The following IGF1 variants were observed in gnomAD, a reference collection of about 807,000 sequenced individuals.
The protein encoded by IGF1 is insulin like growth factor 1, also known as insulin-like growth factor 1.
Under a neutral mutation model 13.8 loss-of-function variants are expected in IGF1, and 4 were observed. The observed-to-expected ratio is 0.29, with a 90% CI of 0.14 to 0.66. IGF1 has a LOEUF of 0.66. Among genes scored for constraint, IGF1 ranks in the 30% least tolerant of loss-of-function variants. IGF1 has a pLI of 0.78. For missense variants in IGF1, 124 were observed against 188.5 expected, an observed-to-expected ratio of 0.66 and a Z score of 2.00; for synonymous variants, 76 against 72.6, an observed-to-expected ratio of 1.05 and a Z score of -0.23.
chr12:102,466,939 T>A (rs1880378510), intron 2 of IGF1, among the ~76,000 whole-genome samples: 1 of 151,916 alleles, frequency 6.6e-6, no homozygotes, highest in African/African-American at 2.4e-5. Context: ...AAAACCCACA[T>A]CACTTGGTCT....
intron 2 of IGF1, among the ~76,000 whole-genome samples, chr12:102,428,296 G>A (rs1225896498): frequency 8.0e-6 from 1 of 125,712 alleles, no homozygotes; most frequent in Non-Finnish European, 1.7e-5. Context: ...TAGTAGTGAA[G>A]AGAAGTTTGA....
chr12:102,402,714 T>C (rs1873791033), intron 3 of IGF1, 148 bp from the exon 4 acceptor site: 3 of 693,766 alleles, frequency 4.3e-6, no homozygotes, highest in Non-Finnish European at 7.9e-6. Context: ...GAGAAGGGCA[T>C]GTATAGGTGG....
At chr12:102,435,258 CA>C (rs1308644614) in intron 2 of IGF1, among the ~76,000 whole-genome samples, 1 of 152,212 alleles carries the variant, frequency 6.6e-6, no homozygotes, top group East Asian at 1.9e-4. Context: ...AAAAGAGGCA[CA>C]TACTCACCTC....
At position 102,400,661 on chromosome 12, in the gene IGF1, T is replaced by C. The variant is rs1257659786; in HGVS notation, c.*1846A>G. 1 of 152,214 alleles carries C rather than the reference T, an allele frequency of 6.6e-6. No homozygotes were observed. The highest frequency in any genetic ancestry group is 6.5e-5 in the Admixed American group (1 of 15,278). 9.4% of individuals were successfully genotyped at this position (152,214 alleles called of 1,614,324 possible). On this transcript the variant is annotated 3_prime_UTR_variant, in exon 4 of 4. Transcript: ENST00000337514. Reference sequence around the variant, plus strand: ...TTTAATATTTCAAATTTTGGATCACTTTCCTTATATTGCCTAGAAAAGAAG... The same window carrying C: ...TTTAATATTTCAAATTTTGGATCACCTTCCTTATATTGCCTAGAAAAGAAG...
chr12:102,474,474 C>T (rs931627322), intron 2 of IGF1, among the ~76,000 whole-genome samples: 5 of 152,190 alleles, frequency 3.3e-5, no homozygotes, highest in Non-Finnish European at 7.3e-5. Context: ...CTTCCCATCT[C>T]CCTTACTGAT....
At chr12:102,467,238 C>A (rs1313286278) in intron 2 of IGF1, among the ~76,000 whole-genome samples, 1 of 152,098 alleles carries the variant, frequency 6.6e-6, no homozygotes, top group Non-Finnish European at 1.5e-5. Context: ...AAAAGGGTCC[C>A]TCAAAGAGCC....
intron 2 of IGF1, among the ~76,000 whole-genome samples, chr12:102,465,068 C>T (rs1228222671): frequency 1.3e-5 from 2 of 152,166 alleles, no homozygotes; most frequent in African/African-American, 2.4e-5. Context: ...TCTGAAGATA[C>T]ATTAATTAAC....
rs1206836220 is a variant in IGF1 at position 102,400,842 on chromosome 12, T to C, written c.*1665A>G. ...TAGAAATCTCTTTGTTTTTCTCCTT[T>C]TTCTTTTCCTTTCTCTCTTTTCACT... On this transcript the variant is annotated 3_prime_UTR_variant, in exon 4 of 4. Coordinates refer to ENST00000337514, the MANE Select transcript of IGF1 (RefSeq NM_000618.5). 6.6e-6 allele frequency: 1 copy of C among 152,242 alleles called. No individual in the cohort carries two copies. The highest frequency in any genetic ancestry group is 1.5e-5 in the Non-Finnish European group (1 of 68,048). The allele number at this position is 152,242 out of a possible 1,614,324, so 9.4% of individuals were successfully genotyped here. A position where few individuals can be genotyped will look rare whatever the true frequency, so the allele number is the denominator to read the frequency against.
At chr12:102,406,926 C>T (rs928352028) in intron 3 of IGF1, among the ~76,000 whole-genome samples, 1 of 151,902 alleles carries the variant, frequency 6.6e-6, no homozygotes, top group African/African-American at 2.4e-5. Context: ...AACCCCGTCT[C>T]TACTAAAAAT....
intron 2 of IGF1, among the ~76,000 whole-genome samples, chr12:102,475,249 A>T (rs568686630): frequency 6.6e-6 from 1 of 152,208 alleles, no homozygotes; most frequent in South Asian, 2.1e-4. Flanking sequence ...TCCAAATCAC[A>T]TAGCACTTAA....
At chr12:102,417,071 G>T (rs1232897075) in intron 3 of IGF1, among the ~76,000 whole-genome samples, 1 of 152,154 alleles carries the variant, frequency 6.6e-6, no homozygotes, top group Admixed American at 6.5e-5. Flanking sequence ...CCTTGCAAGG[G>T]CTGATACTTT....
At chr12:102,422,236 A>T (rs1042982439) in intron 2 of IGF1, among the ~76,000 whole-genome samples, 2 of 152,122 alleles carry the variant, frequency 1.3e-5, no homozygotes, top group Admixed American at 6.6e-5. Flanking sequence ...TTGTTTTTTT[A>T]AAAAATATTG....
intron 3 of IGF1, among the ~76,000 whole-genome samples, chr12:102,404,811 G>A (rs895263359): frequency 3.4e-5 from 5 of 148,386 alleles, no homozygotes; most frequent in African/African-American, 1.0e-4. Context: ...AGGCTGGAGT[G>A]CAGTGGCGCG....
intron 2 of IGF1, among the ~76,000 whole-genome samples, chr12:102,442,954 TG>T (rs563077591): frequency 9.9e-5 from 15 of 152,102 alleles, no homozygotes; most frequent in Non-Finnish European, 1.9e-4. Flanking sequence ...GAGGTGTTAT[TG>T]CTGTTTTTGA....
At chr12:102,458,729 C>A (rs201263916) in intron 2 of IGF1, among the ~76,000 whole-genome samples, 5 of 10,964 alleles carry the variant, frequency 4.6e-4, no homozygotes, top group South Asian at 2.8e-3. Flanking sequence ...GGAACACTGA[C>A]CAAAAAAAAA....
intron 2 of IGF1, among the ~76,000 whole-genome samples, chr12:102,471,382 G>A (rs1402742723): frequency 6.6e-6 from 1 of 152,128 alleles, no homozygotes; most frequent in Non-Finnish European, 1.5e-5. Context: ...TTAAATGCCT[G>A]CCAAACTCCT....
At chr12:102,462,666 C>G (rs1246945383) in intron 2 of IGF1, 1 of 152,144 alleles carries the variant, frequency 6.6e-6, no homozygotes, top group East Asian at 1.9e-4. Flanking sequence ...TGAAATGATG[C>G]TTATTGTATG....
intron 3 of IGF1, among the ~76,000 whole-genome samples, chr12:102,404,915 G>T (rs1261912311): frequency 6.6e-6 from 1 of 151,634 alleles, no homozygotes; most frequent in Non-Finnish European, 1.5e-5. Context: ...CTGCCACCAT[G>T]CATGGCTAAT....
chr12:102,407,830 G>A (rs556173256), intron 3 of IGF1, among the ~76,000 whole-genome samples: 1 of 152,282 alleles, frequency 6.6e-6, no homozygotes, highest in African/African-American at 2.4e-5. Context: ...TAGGAGCACA[G>A]TATTCAATTA....
Sources: allele counts gnomAD v4.1 joint callset (sites outside exome capture counted in the v4.1 genomes callset), GRCh38; gene constraint gnomAD v4.1.1; transcripts MANE v1.5; gene names NCBI Gene and HGNC (gene_info 2026-07-23, HGNC 2026-07-21).